The following USP8 variants were observed in gnomAD, a reference collection of about 807,000 sequenced individuals.
USP8 encodes ubiquitin specific peptidase 8, also known as ubiquitin carboxyl-terminal hydrolase 8.
USP8 carries 27 observed loss-of-function variants against 130.0 expected under a neutral mutation model. The ratio of observed to expected loss-of-function variants is 0.21; its 90% CI spans 0.15 to 0.29. The LOEUF is 0.29. Ranked by LOEUF, USP8 falls within the 10% of genes least tolerant of loss-of-function variation. The pLI, the probability that USP8 is intolerant of heterozygous loss-of-function variation, is 1.00. For synonymous variants in USP8, 392 were observed against 444.1 expected, an observed-to-expected ratio of 0.88 and a Z score of 1.48; for missense variants, 1,029 against 1,312.2, an observed-to-expected ratio of 0.78 and a Z score of 3.33.
In USP8 at chr15:50,450,042, C is replaced by T. The variant is rs192253727; in HGVS notation, c.335+557C>T. ...CCGAGTAGCTGGGACTACAGGCGCC[C>T]GCCACCTCACCCGGCTAATTTTTTG... is the stretch of plus-strand genomic sequence containing the variant. On this transcript the variant is annotated intron_variant, in intron 4 of 19. Coordinates refer to ENST00000307179, the MANE Select transcript of USP8 (RefSeq NM_005154.5). 1.2e-3 allele frequency among the ~76,000 whole-genome samples: 173 copies of T among 150,334 alleles called. No homozygotes were observed. The East Asian group carries it at 0.017, about 15-fold the overall frequency.
intron 3 of USP8, among the ~76,000 whole-genome samples, chr15:50,447,101 A>T (rs1246316510): frequency 6.6e-6 from 1 of 152,254 alleles, no homozygotes; most frequent in Non-Finnish European, 1.5e-5. Flanking sequence ...ATTAGAGCTC[A>T]GGTCCAGTTT....
At position 50,454,515 on chromosome 15, in the gene USP8, A is replaced by C. The variant is rs557710253; in HGVS notation, c.336-4485A>C. On this transcript the variant is annotated intron_variant, in intron 4 of 19. Coordinates refer to ENST00000307179, the MANE Select transcript of USP8 (RefSeq NM_005154.5). The stretch of plus-strand genomic sequence containing the variant: ...CTCACCCAGGCTGGAGTGCAGTGGC[A>C]CACGATCTTGGCTTGCTGCAGCCTC... 1.8e-4 allele frequency among the ~76,000 whole-genome samples: 27 copies of C among 148,428 alleles called. No individual in the cohort carries two copies. In the South Asian group the frequency reaches 5.7e-3, roughly 31 times the overall value.
At position 50,500,370 on chromosome 15, in the gene USP8, TAAACACTGAATTTTG is replaced by T. The variant is rs1351826761; in HGVS notation, c.*1287_*1301del. 8.1e-5 allele frequency: 13 copies of T among 159,522 alleles called. No individual in the cohort carries two copies. The East Asian group carries it at 2.1e-3, about 26-fold the overall frequency. The allele number at this position is 159,522 out of a possible 1,614,324, so 9.9% of individuals were successfully genotyped here. The stretch of plus-strand genomic sequence containing the variant: ...TATATGATTATGAGATATTTTCTGA[TAAACACTGAATTTTG>T]AAACCTGAACTCACTATATAATTGC... On this transcript the variant is annotated 3_prime_UTR_variant, in exon 20 of 20. Coordinates refer to ENST00000307179, the MANE Select transcript of USP8 (RefSeq NM_005154.5).
rs1039827718 is a variant in USP8 at position 50,504,815 on chromosome 15, TAAAAA to T, written c.*5731_*5735del. ...ACACATGGTGAAACCCTGTCTCTAT[TAAAAA>T]AAACAAAAAAAATTAGCTGGGCCTG... is the stretch of plus-strand genomic sequence containing the variant. On this transcript the variant is annotated 3_prime_UTR_variant, in exon 20 of 20. Coordinates refer to ENST00000307179, the MANE Select transcript of USP8 (RefSeq NM_005154.5). The T allele has an allele frequency of 8.1e-5, 9 of 111,764 alleles. No individual in the cohort carries two copies. Among genetic ancestry groups the T allele is most frequent in the Non-Finnish European group, 1.7e-4 (9 of 54,100 alleles). 6.9% of individuals were successfully genotyped at this position (111,764 alleles called of 1,614,324 possible). A position where few individuals can be genotyped will look rare whatever the true frequency, so the allele number is the denominator to read the frequency against.
At position 50,481,771 on chromosome 15, in the gene USP8, C is replaced by A. The variant is rs1036570518; in HGVS notation, c.1509C>A (p.Ala503=). The change falls in exon 11 of 20, where the codon GCC becomes GCA. Residue 503 remains alanine, a synonymous_variant. Transcript: ENST00000307179. The part of the protein sequence containing the change: ...KLRKEEQEQK[A]KKKQEAEENE... Reference sequence around the variant, plus strand: ...GGAAGGAAGAACAAGAACAAAAAGCCAAAAAGAAACAAGAAGCTGAAGAAA... The same window carrying A: ...GGAAGGAAGAACAAGAACAAAAAGCAAAAAAGAAACAAGAAGCTGAAGAAA... 5.1e-6 allele frequency: 8 copies of A among 1,559,400 alleles called. No homozygotes were observed. In the African/African-American group the frequency reaches 7.0e-5, roughly 14 times the overall value.
At chr15:50,442,706 C>G (rs572175045) in intron 3 of USP8, among the ~76,000 whole-genome samples, 1 of 152,288 alleles carries the variant, frequency 6.6e-6, no homozygotes, top group Admixed American at 6.5e-5. Context: ...GATTGCACCA[C>G]TGCACTCCAG....
chr15:50,437,265 C>T (rs185659535), intron 1 of USP8, among the ~76,000 whole-genome samples: 11 of 152,278 alleles, frequency 7.2e-5, no homozygotes, highest in African/African-American at 2.2e-4. Flanking sequence ...CCTTGCTGTA[C>T]CCCTGAAGCT....
intron 12 of USP8, 34 bp from the exon 13 acceptor site, chr15:50,489,765 ATT>A (rs546199809): frequency 7.6e-7 from 1 of 1,320,764 alleles, no homozygotes; most frequent in Non-Finnish European, 9.9e-7. Context: ...TTTAAAAAAA[ATT>A]TTTTTTTAAT....
chr15:50,513,885 C>T lies in USP8; in HGVS notation c.*14797C>T, dbSNP rs537124852. 2.6e-5 allele frequency: 4 copies of T among 152,210 alleles called. No homozygotes were observed. Among genetic ancestry groups the T allele is most frequent in the African/African-American group, 7.2e-5 (3 of 41,538 alleles). The allele number at this position is 152,210 out of a possible 1,614,324, so 9.4% of individuals were successfully genotyped here. On this transcript the variant is annotated 3_prime_UTR_variant, in exon 20 of 20. Transcript: ENST00000307179. ...AGTATGTACTAAAGCCAGACATATGCGTATTTCTGAACCAGGAGTTTCACT... is the reference window on the plus strand; with the variant it reads ...AGTATGTACTAAAGCCAGACATATGTGTATTTCTGAACCAGGAGTTTCACT...
intron 8 of USP8, among the ~76,000 whole-genome samples, chr15:50,474,071 C>G (rs2051479450): frequency 6.6e-6 from 1 of 152,126 alleles, no homozygotes; most frequent in African/African-American, 2.4e-5. Context: ...GTGGTGCCTT[C>G]TCAGCTCACT....
At chr15:50,450,732 A>G (rs552589152) in intron 4 of USP8, among the ~76,000 whole-genome samples, 7 of 152,152 alleles carry the variant, frequency 4.6e-5, no homozygotes, top group Admixed American at 3.9e-4. Flanking sequence ...CGGCCTCCCA[A>G]AGTGCTGGGA....
In USP8 at chr15:50,506,315, C is replaced by G. The variant is rs1025830388; in HGVS notation, c.*7227C>G. 6.6e-6 allele frequency: 1 copy of G among 152,308 alleles called. No homozygotes were observed. The highest frequency in any genetic ancestry group is 2.4e-5 in the African/African-American group (1 of 41,456). 9.4% of individuals were successfully genotyped at this position (152,308 alleles called of 1,614,324 possible). A position where few individuals can be genotyped will look rare whatever the true frequency, so the allele number is the denominator to read the frequency against. On this transcript the variant is annotated 3_prime_UTR_variant, in exon 20 of 20. Coordinates refer to ENST00000307179, the MANE Select transcript of USP8 (RefSeq NM_005154.5). ...TGAGCACCGCCTCCTGTCAGATCAGCTGCTGCATTAGATTCTCACAGCAGC... is the reference window on the plus strand; with the variant it reads ...TGAGCACCGCCTCCTGTCAGATCAGGTGCTGCATTAGATTCTCACAGCAGC...
rs921381107 is a variant in USP8 at position 50,505,062 on chromosome 15, T to C, written c.*5974T>C. On this transcript the variant is annotated 3_prime_UTR_variant, in exon 20 of 20. Transcript: ENST00000307179. ...TGGAGTAGTGATGGAGAATACGTGT[T>C]AAGAGGCATGAAAAATTGAATGAGA... is the stretch of plus-strand genomic sequence containing the variant. 1.3e-5 allele frequency: 2 copies of C among 152,036 alleles called. No individual in the cohort carries two copies. Among genetic ancestry groups the C allele is most frequent in the African/African-American group, 4.8e-5 (2 of 41,384 alleles). The allele number at this position is 152,036 out of a possible 1,614,324, so 9.4% of individuals were successfully genotyped here.
At chr15:50,493,177 C>T (rs1323346932) in intron 15 of USP8, 7 of 550,368 alleles carry the variant, frequency 1.3e-5, no homozygotes, top group Admixed American at 4.4e-5. Flanking sequence ...GAGCCCTAAA[C>T]GGCACCTAAT....
intron 12 of USP8, 91 bp from the exon 13 acceptor site, chr15:50,489,710 A>G: frequency 1.2e-6 from 1 of 852,682 alleles, no homozygotes; most frequent in Non-Finnish European, 1.7e-6. Context: ...CTTTGGTACA[A>G]GTAGCTTAAG....
rs148382655 is a variant in USP8, at chr15:50,500,615, C to T, written c.*1527C>T. 5.1e-4 allele frequency: 317 copies of T among 622,406 alleles called. 1 individual carries two copies. The African/African-American group carries it at 5.2e-3, about 10-fold the overall frequency. 38.6% of individuals were successfully genotyped at this position (622,406 alleles called of 1,614,324 possible). ...AAACTCTACCACCAGATGCTGACTG[C>T]TTGTTTTGCAGTGTTCAGGAAACAC... On this transcript the variant is annotated 3_prime_UTR_variant, in exon 20 of 20. Transcript: ENST00000307179.
chr15:50,483,577 T>C (rs2051849768), intron 11 of USP8, among the ~76,000 whole-genome samples: 1 of 152,200 alleles, frequency 6.6e-6, no homozygotes, highest in Non-Finnish European at 1.5e-5. Flanking sequence ...AGCGGATCAC[T>C]TGGTCAGGAG....
In USP8 at chr15:50,501,010, T is replaced by C. The variant is rs1447886061; in HGVS notation, c.*1922T>C. 1.7e-6 allele frequency: 1 copy of C among 575,124 alleles called. No individual in the cohort carries two copies. Among genetic ancestry groups the C allele is most frequent in the Non-Finnish European group, 3.1e-6 (1 of 319,996 alleles). The allele number at this position is 575,124 out of a possible 1,614,324, so 35.6% of individuals were successfully genotyped here. A position where few individuals can be genotyped will look rare whatever the true frequency, so the allele number is the denominator to read the frequency against. ...AGCCTGACTGCTATATTGCTTCTCA[T>C]TTCATTGTAACTACTTATATGTTGT... On this transcript the variant is annotated 3_prime_UTR_variant, in exon 20 of 20. Transcript: ENST00000307179.
chr15:50,496,839 T>C, intron 17 of USP8: 1 of 326,604 alleles, frequency 3.1e-6, no homozygotes, highest in South Asian at 1.4e-4. Context: ...GTTTCTCTGA[T>C]TGACCAGGTT....
Sources: gnomAD v4.1 joint callset for allele counts (sites outside exome capture counted in the v4.1 genomes callset) on GRCh38, gnomAD v4.1.1 for gene constraint, MANE v1.5 for transcripts, NCBI Gene and HGNC (gene_info 2026-07-23, HGNC 2026-07-21) for gene names.